RYR2: variants seen among roughly 807,000 people sequenced by gnomAD.
RYR2 encodes ryanodine receptor 2.
RYR2 carries 227 observed loss-of-function variants against 601.1 expected under a neutral mutation model. The ratio of observed to expected loss-of-function variants is 0.38; its 90% CI spans 0.34 to 0.42. RYR2 has a LOEUF of 0.42. RYR2 is among the 10% of genes least tolerant of loss of function. The pLI, the probability that RYR2 is intolerant of heterozygous loss-of-function variation, is 1.00. For missense variants in RYR2, 4,646 were observed against 6,156.5 expected, an observed-to-expected ratio of 0.75 and a Z score of 8.21; for synonymous variants, 2,223 against 2,175.1, an observed-to-expected ratio of 1.02 and a Z score of -0.61.
intron 37 of RYR2, among the ~76,000 whole-genome samples, 199 bp from the exon 38 acceptor site, chr1:237,617,087 A>C (rs1467425638): frequency 6.6e-6 from 1 of 152,198 alleles, no homozygotes; most frequent in African/African-American, 2.4e-5. Flanking sequence ...CACTAAAGGG[A>C]CATTTGTTTG....
chr1:237,446,968 C>G (rs529476402), intron 14 of RYR2, among the ~76,000 whole-genome samples: 5 of 152,216 alleles, frequency 3.3e-5, no homozygotes, highest in African/African-American at 1.2e-4. Context: ...ACAAACTTAG[C>G]CTTTTCATAT....
chr1:237,713,823 CTG>C (rs1689040236), intron 71 of RYR2, among the ~76,000 whole-genome samples: 1 of 152,014 alleles, frequency 6.6e-6, no homozygotes, highest in Non-Finnish European at 1.5e-5. Flanking sequence ...CAATTGTACT[CTG>C]TTTTTTTCTT....
intron 1 of RYR2, among the ~76,000 whole-genome samples, chr1:237,172,408 G>A (rs1267109294): frequency 3.9e-5 from 6 of 152,010 alleles, no homozygotes; most frequent in African/African-American, 1.5e-4. Context: ...AGAAAATTAT[G>A]TCACCTTGCT....
chr1:237,347,499 A>C (rs1337782206), intron 3 of RYR2, among the ~76,000 whole-genome samples: 2 of 152,184 alleles, frequency 1.3e-5, no homozygotes, highest in East Asian at 3.9e-4. Context: ...TGTGGATTTC[A>C]TTTAATTCTG....
At chr1:237,429,368 C>G (rs147952647) in intron 12 of RYR2, among the ~76,000 whole-genome samples, 184 of 152,240 alleles carry the variant, frequency 1.2e-3, no homozygotes, top group African/African-American at 4.3e-3. Context: ...AACAACTGGC[C>G]AGGGTGGGGT....
At chr1:237,760,676 C>A (rs972748444) in intron 83 of RYR2, among the ~76,000 whole-genome samples, 2 of 152,094 alleles carry the variant, frequency 1.3e-5, no homozygotes, top group African/African-American at 4.8e-5. Context: ...AATTTTATTT[C>A]TGCACATCTG....
chr1:237,537,599 G>A (rs977909357), intron 25 of RYR2, among the ~76,000 whole-genome samples: 7 of 152,150 alleles, frequency 4.6e-5, no homozygotes, highest in African/African-American at 1.7e-4. Context: ...ACAGGTGTGA[G>A]CCACCGTGCC....
intron 1 of RYR2, among the ~76,000 whole-genome samples, chr1:237,207,788 G>A (rs1338869642): frequency 2.0e-5 from 3 of 152,194 alleles, no homozygotes; most frequent in African/African-American, 7.2e-5. Context: ...ATCCTTTTCA[G>A]CCTGGCACAT....
intron 16 of RYR2, among the ~76,000 whole-genome samples, chr1:237,460,090 C>T (rs1381545716): frequency 6.6e-6 from 1 of 152,168 alleles, no homozygotes; most frequent in African/African-American, 2.4e-5. Context: ...TATGTCTCCA[C>T]TCTGCCTTCC....
chr1:237,707,304 TC>T (rs1688466062), intron 68 of RYR2, 35 bp downstream of exon 68: 1 of 1,127,952 alleles, frequency 8.9e-7, no homozygotes, highest in Non-Finnish European at 1.2e-6. Flanking sequence ...ACCCCTGAAA[TC>T]TGTTTTATTT....
intron 79 of RYR2, among the ~76,000 whole-genome samples, chr1:237,737,287 A>G (rs914097454): frequency 6.6e-6 from 1 of 152,174 alleles, no homozygotes; most frequent in Non-Finnish European, 1.5e-5. Context: ...TTAAATAATC[A>G]TATTCATTTT....
At chr1:237,576,430 A>G (rs1017754364) in intron 29 of RYR2, among the ~76,000 whole-genome samples, 3 of 152,174 alleles carry the variant, frequency 2.0e-5, no homozygotes, top group African/African-American at 7.2e-5. Context: ...TAAAGTAGAG[A>G]TGCCAGAAAC....
At chr1:237,490,098 C>T (rs1385545495) in intron 17 of RYR2, among the ~76,000 whole-genome samples, 1 of 152,032 alleles carries the variant, frequency 6.6e-6, no homozygotes, top group East Asian at 1.9e-4. Flanking sequence ...CCACATACAG[C>T]GTATTATCAC....
Position 237,778,651 on chromosome 1 carries a change from C to CTGT in RYR2, c.11776-13_11776-11dup. The stretch of plus-strand genomic sequence containing the variant: ...ATTATGAGGAATAATTGCCGTTTGT[C>CTGT]TGTTTATGCTCCAGGGTCCTTGCAC... On this transcript the variant is annotated splice_polypyrimidine_tract_variant and intron_variant, in intron 87 of 104. Coordinates refer to ENST00000366574, the MANE Select transcript of RYR2 (RefSeq NM_001035.3). 7.1e-7 allele frequency: 1 copy of CTGT among 1,411,262 alleles called. No individual in the cohort carries two copies. Among genetic ancestry groups the CTGT allele is most frequent in the Non-Finnish European group, 9.9e-7 (1 of 1,009,876 alleles). The allele number at this position is 1,411,262 out of a possible 1,614,324, so 87.4% of individuals were successfully genotyped here. A position where few individuals can be genotyped will look rare whatever the true frequency, so the allele number is the denominator to read the frequency against.
At chr1:237,052,306 A>C (rs762947119) in intron 1 of RYR2, among the ~76,000 whole-genome samples, 2 of 152,220 alleles carry the variant, frequency 1.3e-5, no homozygotes, top group Non-Finnish European at 2.9e-5. Flanking sequence ...AGGGTCCAAA[A>C]GGTGAAGAGA....
chr1:237,506,336 A>G (rs1305141238), intron 22 of RYR2, among the ~76,000 whole-genome samples: 1 of 152,006 alleles, frequency 6.6e-6, no homozygotes, highest in East Asian at 1.9e-4. Context: ...AGGAGATCGA[A>G]ACCATCCTGG....
At chr1:237,328,267 T>TA (rs1696354364) in intron 2 of RYR2, among the ~76,000 whole-genome samples, 1 of 152,152 alleles carries the variant, frequency 6.6e-6, no homozygotes, top group Non-Finnish European at 1.5e-5. Flanking sequence ...ACACTTACAT[T>TA]AACAGTTTTT....
chr1:237,352,630 T>C (rs60129016), intron 3 of RYR2, among the ~76,000 whole-genome samples: 9,477 of 152,226 alleles, frequency 0.062, 321 homozygotes, highest in Non-Finnish European at 0.07. Flanking sequence ...AGCAAGATTA[T>C]CAAATACAAC....
chr1:237,659,991 A>G lies in RYR2; in HGVS notation c.8215A>G (p.Asn2739Asp). 1 of 1,580,728 alleles carries G rather than the reference A, an allele frequency of 6.3e-7. No individual in the cohort carries two copies. The highest frequency in any genetic ancestry group is 8.6e-7 in the Non-Finnish European group (1 of 1,168,098). The change falls in exon 55 of 105, where the codon AAT becomes GAT. Residue 2739 changes from asparagine to aspartate, a missense_variant. Around this residue, in one of 17 missense-constraint regions of RYR2, gnomAD observed 1,497 missense variants for 1,842.6 expected, o/e 0.81. Transcript: ENST00000366574. ...HDKWSMDKLA[N>D]GWIYGEIYSD... ...ATGTTTGCCTTTTTTTAAGTTGGCA[A>G]ATGGATGGATTTATGGAGAAATATA...
Sources: gnomAD v4.1 joint callset for allele counts (sites outside exome capture counted in the v4.1 genomes callset) on GRCh38, gnomAD v4.1.1 for gene constraint, gnomAD v4.1.1 regional missense constraint, MANE v1.5 for transcripts, NCBI Gene and HGNC (gene_info 2026-07-23, HGNC 2026-07-21) for gene names.